The following PI4KB variants were observed in gnomAD, a reference collection of about 807,000 sequenced individuals.
PI4KB encodes PtdIns 4-kinase beta.
In PI4KB, 23 loss-of-function variants were observed where a neutral mutation model predicts 81.4. The ratio of observed to expected loss-of-function variants is 0.28; its 90% CI spans 0.20 to 0.40. The LOEUF (loss-of-function observed/expected upper bound fraction) is 0.40, where lower values mean the gene tolerates loss of function less well. PI4KB is among the 10% of genes least tolerant of loss of function. The probability of loss-of-function intolerance (pLI) is 1.00; values close to 1 mark genes in which losing one functional copy is unlikely to be tolerated. For synonymous variants in PI4KB, 381 were observed against 406.8 expected (o/e 0.94, Z 0.76); for missense variants, 651 against 1,036.6 (o/e 0.63, Z 5.11).
At position 151,303,645 on chromosome 1, in the gene PI4KB, G is replaced by A. The variant is rs371475694; in HGVS notation, c.1416C>T (p.Pro472=). 2.2e-5 allele frequency: 36 copies of A among 1,610,744 alleles called. No homozygotes were observed. The highest frequency in any genetic ancestry group is 5.0e-5 in the Admixed American group (3 of 59,990). The change falls in exon 6 of 12, where the codon CCC becomes CCT. Residue 472 remains proline, a synonymous_variant. Coordinates refer to ENST00000368873, the MANE Select transcript of PI4KB (RefSeq NM_001369623.2). ...TGTCACAGCTGTTGGTATGCACTTCGGGGAGCTGGAGAAAGGGGAGTGCTG... is the reference window on the plus strand; with the variant it reads ...TGTCACAGCTGTTGGTATGCACTTCAGGGAGCTGGAGAAAGGGGAGTGCTG... ...DDIGELQVEL[P]EVHTNSCDNI... is the part of the protein sequence containing the mutation.
At chr1:151,323,672 C>A (rs991254095) in intron 1 of PI4KB, among the ~76,000 whole-genome samples, 1 of 152,002 alleles carries the variant, frequency 6.6e-6, no homozygotes, top group African/African-American at 2.4e-5. Context: ...TGCAGTGAGC[C>A]GAGATCGTGC....
At chr1:151,305,794 C>A (rs1204750623) in intron 5 of PI4KB, among the ~76,000 whole-genome samples, 1 of 152,226 alleles carries the variant, frequency 6.6e-6, no homozygotes, top group African/African-American at 2.4e-5. Flanking sequence ...ATAAAAATTT[C>A]TTGAATGAAT....
intron 3 of PI4KB, 149 bp downstream of exon 3, chr1:151,310,062 G>C: frequency 1.6e-6 from 1 of 633,096 alleles, no homozygotes; most frequent in Non-Finnish European, 2.9e-6. Context: ...GCAGATCTGG[G>C]AGGTCTGGGA....
At chr1:151,315,178 C>G (rs184402893) in intron 2 of PI4KB, among the ~76,000 whole-genome samples, 2 of 152,196 alleles carry the variant, frequency 1.3e-5, no homozygotes, top group African/African-American at 4.8e-5. Flanking sequence ...GGGATTTTGC[C>G]ATGTTGGCCA....
intron 9 of PI4KB, among the ~76,000 whole-genome samples, chr1:151,296,319 G>T (rs1694784993): frequency 6.6e-6 from 1 of 152,086 alleles, no homozygotes; most frequent in South Asian, 2.1e-4. Context: ...TGTAGGGCTG[G>T]CAGGGTGGAA....
chr1:151,309,457 T>A (rs1696031966), intron 3 of PI4KB, among the ~76,000 whole-genome samples: 1 of 152,110 alleles, frequency 6.6e-6, no homozygotes, highest in Non-Finnish European at 1.5e-5. Flanking sequence ...AGAAAACTGA[T>A]TTGATAGACA....
rs190504233 is a variant in PI4KB at position 151,316,784 on chromosome 1, T to A, written c.-28-275A>T. Reference sequence around the variant, plus strand: ...TATATGTGAAATGTTGTTTTGTATATGTTGTATTTATATAGATTTACAAAT... The same window carrying A: ...TATATGTGAAATGTTGTTTTGTATAAGTTGTATTTATATAGATTTACAAAT... On this transcript the variant is annotated intron_variant, in intron 1 of 11. Coordinates refer to ENST00000368873, the MANE Select transcript of PI4KB (RefSeq NM_001369623.2). Among the ~76,000 whole-genome samples the A allele has an allele frequency of 4.7e-3, 717 of 152,356 alleles. 4 individuals are homozygous for A. The highest frequency in any genetic ancestry group is 7.6e-3 in the Admixed American group (116 of 15,302).
chr1:151,313,794 A>G (rs1647488470), intron 2 of PI4KB, among the ~76,000 whole-genome samples: 1 of 152,230 alleles, frequency 6.6e-6, no homozygotes, highest in Non-Finnish European at 1.5e-5. Context: ...TCTTCCCCAC[A>G]TGGCTTCTGA....
chr1:151,326,876 A>T (rs1649684836), intron 1 of PI4KB, among the ~76,000 whole-genome samples: 1 of 152,176 alleles, frequency 6.6e-6, no homozygotes, highest in African/African-American at 2.4e-5. Flanking sequence ...GCAAACTAGG[A>T]AAAGAGATAA....
chr1:151,322,120 C>T (rs1648939709), intron 1 of PI4KB, among the ~76,000 whole-genome samples: 1 of 152,112 alleles, frequency 6.6e-6, no homozygotes, highest in Admixed American at 6.6e-5. Flanking sequence ...ATTCTCCTTC[C>T]AGTCAGACTG....
chr1:151,305,561 TGA>T (rs1695689148), intron 5 of PI4KB, among the ~76,000 whole-genome samples: 1 of 152,244 alleles, frequency 6.6e-6, no homozygotes, highest in African/African-American at 2.4e-5. Flanking sequence ...CAGCCTCAGC[TGA>T]GAGATTACTT....
Position 151,294,391 on chromosome 1 carries a change from C to A in PI4KB, c.2148+18G>T, listed in dbSNP as rs1173087054. On this transcript the variant is annotated intron_variant, in intron 10 of 11. Coordinates refer to ENST00000368873, the MANE Select transcript of PI4KB (RefSeq NM_001369623.2). ...GAATACAATGACCCCCGAGAGGCAC[C>A]TCTCCTTCTTGACTCACATCCACAA... is the stretch of plus-strand genomic sequence containing the variant. 1 of 1,613,260 alleles carries A rather than the reference C, an allele frequency of 6.2e-7. No individual in the cohort carries two copies. Among genetic ancestry groups the A allele is most frequent in the East Asian group, 2.2e-5 (1 of 44,882 alleles).
At chr1:151,297,957 T>TA in intron 9 of PI4KB, among the ~76,000 whole-genome samples, 1 of 152,326 alleles carries the variant, frequency 6.6e-6, no homozygotes, top group South Asian at 2.1e-4. Context: ...CTGGAACTCA[T>TA]AGGAGCATTC....
intron 1 of PI4KB, among the ~76,000 whole-genome samples, chr1:151,321,851 C>T (rs149595532): frequency 0.028 from 3,680 of 130,126 alleles, 173 homozygotes; most frequent in African/African-American, 0.1. Flanking sequence ...CCAGCCTGGG[C>T]GACAGAGTGA....
In PI4KB at chr1:151,291,841, T is replaced by TAAC. The variant is rs1553185747; in HGVS notation, c.*1008_*1010dup. Reference sequence around the variant, plus strand: ...TTTATTCTTGTAGTAATAATAATACTAACAAACAGTTGGGGAACTAGGGAG... The same window carrying TAAC: ...TTTATTCTTGTAGTAATAATAATACTAACAACAAACAGTTGGGGAACTAGGGAG... On this transcript the variant is annotated 3_prime_UTR_variant, in exon 12 of 12. Coordinates refer to ENST00000368873, the MANE Select transcript of PI4KB (RefSeq NM_001369623.2). 6.6e-6 allele frequency: 1 copy of TAAC among 152,512 alleles called. No individual in the cohort carries two copies. Among genetic ancestry groups the TAAC allele is most frequent in the African/African-American group, 2.4e-5 (1 of 41,422 alleles). The allele number at this position is 152,512 out of a possible 1,614,324, so 9.4% of individuals were successfully genotyped here. A position where few individuals can be genotyped will look rare whatever the true frequency, so the allele number is the denominator to read the frequency against.
chr1:151,310,674 A>G (rs1221108889), intron 2 of PI4KB, among the ~76,000 whole-genome samples: 6 of 152,212 alleles, frequency 3.9e-5, no homozygotes, highest in African/African-American at 1.4e-4. Flanking sequence ...CCACCACAGG[A>G]CTGAACTTAA....
chr1:151,293,331 AG>A, intron 11 of PI4KB: 2 of 1,367,332 alleles, frequency 1.5e-6, no homozygotes, highest in Admixed American at 2.4e-5. Context: ...AGGAGGCTGG[AG>A]GGAGTGGGCC....
At chr1:151,314,416 G>A (rs1038429920) in intron 2 of PI4KB, among the ~76,000 whole-genome samples, 1 of 152,230 alleles carries the variant, frequency 6.6e-6, no homozygotes, top group African/African-American at 2.4e-5. Context: ...CCACTGGGCA[G>A]CTTTCCCTGC....
At chr1:151,321,872 TAAA>T (rs35519740) in intron 1 of PI4KB, among the ~76,000 whole-genome samples, 8 of 73,836 alleles carry the variant, frequency 1.1e-4, no homozygotes, top group Non-Finnish European at 1.6e-4. Context: ...GACTCTGTCT[TAAA>T]AAAAAAAAAA....
Sources: allele counts gnomAD v4.1 joint callset (sites outside exome capture counted in the v4.1 genomes callset), GRCh38; gene constraint gnomAD v4.1.1; transcripts MANE v1.5; gene names NCBI Gene and HGNC (gene_info 2026-07-23, HGNC 2026-07-21).